The following GRK5 variants were observed in gnomAD, a reference collection of about 807,000 sequenced individuals.
GRK5 encodes the protein g protein-coupled receptor kinase GRK5.
Under a neutral mutation model 78.4 loss-of-function variants are expected in GRK5, and 40 were observed. The ratio of observed to expected loss-of-function variants is 0.51; its 90% CI spans 0.40 to 0.66. The LOEUF is 0.66. GRK5 is among the 30% of genes least tolerant of loss of function. The pLI is 0.00. For synonymous variants in GRK5, 289 were observed against 296.8 expected (o/e 0.97, Z 0.27); for missense variants, 598 against 759.9 (o/e 0.79, Z 2.50).
At chr10:119,332,089 A>G (rs1294499374) in intron 2 of GRK5, among the ~76,000 whole-genome samples, 1 of 151,544 alleles carries the variant, frequency 6.6e-6, no homozygotes, top group Non-Finnish European at 1.5e-5. Flanking sequence ...TGTGGGTCTA[A>G]TAGCTATTGT....
intron 1 of GRK5, among the ~76,000 whole-genome samples, chr10:119,316,607 C>T (rs965512474): frequency 1.6e-4 from 24 of 152,142 alleles, no homozygotes; most frequent in African/African-American, 4.8e-4. Flanking sequence ...CCCAGTGCAG[C>T]GCTACACTGA....
At chr10:119,439,614 G>T in intron 9 of GRK5, 117 bp from the exon 10 acceptor site, 1 of 828,652 alleles carries the variant, frequency 1.2e-6, no homozygotes, top group Non-Finnish European at 2.0e-6. Flanking sequence ...CAGGAGGTGG[G>T]AAGGAAACAC....
At chr10:119,256,471 T>C (rs1357958319) in intron 1 of GRK5, among the ~76,000 whole-genome samples, 1 of 152,170 alleles carries the variant, frequency 6.6e-6, no homozygotes, top group South Asian at 2.1e-4. Flanking sequence ...AGGAAACTTG[T>C]TGGAGCTCAC....
intron 2 of GRK5, among the ~76,000 whole-genome samples, chr10:119,352,772 C>T (rs1171083720): frequency 6.6e-6 from 1 of 152,192 alleles, no homozygotes; most frequent in African/African-American, 2.4e-5. Context: ...CATTCCACCA[C>T]CTGCCATCCT....
chr10:119,375,625 G>A (rs1292751828), intron 2 of GRK5, among the ~76,000 whole-genome samples: 1 of 152,222 alleles, frequency 6.6e-6, no homozygotes, highest in Non-Finnish European at 1.5e-5. Context: ...CTAAGCAAGT[G>A]TCTGGTACCT....
intron 1 of GRK5, among the ~76,000 whole-genome samples, chr10:119,226,614 G>A (rs1392847275): frequency 1.3e-5 from 2 of 149,878 alleles, no homozygotes; most frequent in Non-Finnish European, 3.0e-5. Flanking sequence ...GTGCGATCTC[G>A]GCTCACTGCA....
chr10:119,215,691 G>T lies in GRK5; in HGVS notation c.52+7722G>T, dbSNP rs1485102427. 2.6e-5 allele frequency among the ~76,000 whole-genome samples: 4 copies of T among 152,056 alleles called. No individual in the cohort carries two copies. The East Asian group carries it at 7.7e-4, about 29-fold the overall frequency. On this transcript the variant is annotated intron_variant, in intron 1 of 15. Transcript: ENST00000392870. The stretch of plus-strand genomic sequence containing the variant: ...CCCCCACCCCCTTTTTCAATATCTT[G>T]TTGGGAAATTTGCCTAAATTGAGCA...
chr10:119,382,721 C>T (rs973423842), intron 3 of GRK5, among the ~76,000 whole-genome samples: 4 of 152,146 alleles, frequency 2.6e-5, no homozygotes, highest in African/African-American at 9.7e-5. Context: ...TGTTCTCATA[C>T]ATTTTATGTG....
chr10:119,455,104 C>T lies in GRK5; in HGVS notation c.*37C>T, dbSNP rs771027736. On this transcript the variant is annotated 3_prime_UTR_variant, in exon 16 of 16. Transcript: ENST00000392870. Reference sequence around the variant, plus strand: ...GCCTCCAAGTCCACAGTGGAACCAGCCCAGACCCTTCTCCTTAGAAGTGGA... The same window carrying T: ...GCCTCCAAGTCCACAGTGGAACCAGTCCAGACCCTTCTCCTTAGAAGTGGA... The T allele has an allele frequency of 4.1e-6, 6 of 1,453,446 alleles. No homozygotes were observed. The South Asian group carries it at 6.8e-5, about 17-fold the overall frequency. The allele number at this position is 1,453,446 out of a possible 1,614,324, so 90.0% of individuals were successfully genotyped here.
At chr10:119,355,143 G>A (rs552184567) in intron 2 of GRK5, among the ~76,000 whole-genome samples, 3 of 152,172 alleles carry the variant, frequency 2.0e-5, no homozygotes, top group Non-Finnish European at 4.4e-5. Flanking sequence ...TACAAAGTCT[G>A]TACATGTTCA....
At chr10:119,275,374 G>A (rs1454719557) in intron 1 of GRK5, among the ~76,000 whole-genome samples, 2 of 152,156 alleles carry the variant, frequency 1.3e-5, no homozygotes, top group African/African-American at 4.8e-5. Flanking sequence ...CTTGGATACC[G>A]GGCCTCCAGG....
intron 4 of GRK5, among the ~76,000 whole-genome samples, chr10:119,416,947 G>A (rs1188522264): frequency 2.0e-5 from 3 of 152,156 alleles, no homozygotes; most frequent in Non-Finnish European, 2.9e-5. Flanking sequence ...TACTCCTCTG[G>A]TCTGAGATTA....
rs1201976924 is a variant in GRK5, at chr10:119,430,692, A to T, written c.597+254A>T. ...CTCCTGCCAGCCTCAGGCAGGATCC[A>T]GCCTGCAGAGGACAAATGGGCAGCC... On this transcript the variant is annotated intron_variant, in intron 7 of 15. Coordinates refer to ENST00000392870, the MANE Select transcript of GRK5 (RefSeq NM_005308.3). The surrounding 1 kb of genome is among the most constrained non-coding windows in gnomAD (Gnocchi z 4.5). 6.6e-6 allele frequency among the ~76,000 whole-genome samples: 1 copy of T among 152,090 alleles called. No homozygotes were observed. Among genetic ancestry groups the T allele is most frequent in the Non-Finnish European group, 1.5e-5 (1 of 67,996 alleles).
At chr10:119,426,660 G>A (rs139571800) in intron 6 of GRK5, among the ~76,000 whole-genome samples, 1 of 152,306 alleles carries the variant, frequency 6.6e-6, no homozygotes, top group Non-Finnish European at 1.5e-5. Context: ...TGCAGTTGTT[G>A]CATCCATCAC....
chr10:119,388,486 G>A (rs762086584), intron 3 of GRK5, among the ~76,000 whole-genome samples: 11 of 152,048 alleles, frequency 7.2e-5, no homozygotes, highest in Non-Finnish European at 1.3e-4. Flanking sequence ...ACAGGTGTGC[G>A]CCACTATGCC....
chr10:119,444,293 G>T (rs918421387), intron 12 of GRK5, among the ~76,000 whole-genome samples: 6 of 152,156 alleles, frequency 3.9e-5, no homozygotes, highest in Non-Finnish European at 7.4e-5. Flanking sequence ...AGGGTCTAGG[G>T]ATAGTGAGGT....
At chr10:119,413,150 G>A (rs748120596) in intron 4 of GRK5, among the ~76,000 whole-genome samples, 1 of 151,968 alleles carries the variant, frequency 6.6e-6, no homozygotes, top group Non-Finnish European at 1.5e-5. Context: ...CCGACACGGC[G>A]GTACCTAGGC....
intron 2 of GRK5, among the ~76,000 whole-genome samples, chr10:119,363,611 T>A (rs1023484174): frequency 6.6e-6 from 1 of 152,186 alleles, no homozygotes; most frequent in African/African-American, 2.4e-5. Flanking sequence ...CAGTTCCCAG[T>A]CTTTTTCTGG....
At chr10:119,231,099 T>C (rs969132885) in intron 1 of GRK5, among the ~76,000 whole-genome samples, 8 of 152,032 alleles carry the variant, frequency 5.3e-5, no homozygotes, top group African/African-American at 1.4e-4. Flanking sequence ...GTAACTTTTG[T>C]GCAGCAAAAG....
Sources: gnomAD v4.1 joint callset for allele counts (sites outside exome capture counted in the v4.1 genomes callset) on GRCh38, gnomAD v4.1.1 for gene constraint, Gnocchi (gnomAD v3.1) non-coding constraint, MANE v1.5 for transcripts, NCBI Gene and HGNC (gene_info 2026-07-23, HGNC 2026-07-21) for gene names.